The following MEF2C variants were observed in gnomAD, a reference collection of about 807,000 sequenced individuals.
MEF2C encodes myocyte enhancer factor 2C.
A neutral mutation model predicts 50.5 loss-of-function variants in MEF2C; 6 were observed. The ratio of observed to expected loss-of-function variants is 0.12; its 90% CI spans 0.07 to 0.23. MEF2C has a LOEUF of 0.23. MEF2C is among the 10% of genes least tolerant of loss of function. The pLI, the probability that MEF2C is intolerant of heterozygous loss-of-function variation, is 1.00. For synonymous variants in MEF2C, 183 were observed against 228.0 expected (o/e 0.80, Z 1.78); for missense variants, 276 against 605.0 (o/e 0.46, Z 5.70).
At chr5:88,763,649 T>G (rs1778780337) in intron 3 of MEF2C, among the ~76,000 whole-genome samples, 1 of 151,684 alleles carries the variant, frequency 6.6e-6, no homozygotes, top group Non-Finnish European at 1.5e-5. Context: ...AAAAATATTC[T>G]TTCTTTCTTT....
chr5:88,841,661 G>A (rs903775694), intron 1 of MEF2C, among the ~76,000 whole-genome samples: 1 of 152,110 alleles, frequency 6.6e-6, no homozygotes, highest in South Asian at 2.1e-4. Flanking sequence ...TACATTTCAT[G>A]TATGTGGCTA....
At chr5:88,886,195 T>G (rs886482083), upstream of MEF2C, among the ~76,000 whole-genome samples, 10 of 152,184 alleles carry the variant, frequency 6.6e-5, no homozygotes, top group African/African-American at 2.2e-4. Flanking sequence ...AGAAGAGATA[T>G]GAAGAAATAT....
In MEF2C at chr5:88,790,283, A is replaced by G. The variant is rs117822753; in HGVS notation, c.258+14315T>C. Among the ~76,000 whole-genome samples the G allele has an allele frequency of 4.5e-4, 68 of 152,360 alleles. 1 individual carries two copies. In the East Asian group the frequency reaches 0.013, roughly 28 times the overall value. On this transcript the variant is annotated intron_variant, in intron 3 of 10. Coordinates refer to ENST00000504921, the MANE Select transcript of MEF2C (RefSeq NM_002397.5). ...TAAAATTACAAAGAGGAAATAGTCT[A>G]CAGACACACTTTCAAATTCCATGAA...
At chr5:88,784,392 G>C (rs1001747204) in intron 3 of MEF2C, among the ~76,000 whole-genome samples, 1 of 152,150 alleles carries the variant, frequency 6.6e-6, no homozygotes, top group Non-Finnish European at 1.5e-5. Flanking sequence ...GTTTAACAAT[G>C]CTTGAGCCAA....
intron 2 of MEF2C, among the ~76,000 whole-genome samples, chr5:88,809,089 T>G (rs1374049596): frequency 6.6e-6 from 1 of 152,150 alleles, no homozygotes; most frequent in East Asian, 1.9e-4. Context: ...TTTATGTTTT[T>G]CCTTTATATT....
upstream of MEF2C, chr5:88,883,813 C>G (rs1833676234): frequency 6.6e-6 from 1 of 152,110 alleles, no homozygotes; most frequent in Non-Finnish European, 1.5e-5. Context: ...TACAGCAGCT[C>G]CCTCCTCACC....
At chr5:88,824,114 T>A in intron 1 of MEF2C, 184 bp from the exon 2 acceptor site, 2 of 900,350 alleles carry the variant, frequency 2.2e-6, no homozygotes. Flanking sequence ...TAGTTTTATT[T>A]TTTAACAATT....
chr5:88,775,810 T>C (rs1244030007), intron 3 of MEF2C: 5 of 984,064 alleles, frequency 5.1e-6, no homozygotes, highest in South Asian at 9.4e-5. Flanking sequence ...CACTGAGAAC[T>C]GAAAAATGGA....
intron 2 of MEF2C, among the ~76,000 whole-genome samples, chr5:88,820,291 A>T (rs1807650731): frequency 6.6e-6 from 1 of 151,982 alleles, no homozygotes; most frequent in Admixed American, 6.6e-5. Flanking sequence ...GTCAATTTTT[A>T]TTCTCACCTA....
At chr5:88,737,092 G>A (rs548256736) in intron 6 of MEF2C, 1 of 984,602 alleles carries the variant, frequency 1.0e-6, no homozygotes, top group Non-Finnish European at 1.2e-6. Context: ...GAAAAATTAA[G>A]AATTATTCAG....
chr5:88,769,835 G>T, intron 3 of MEF2C: 1 of 361,678 alleles, frequency 2.8e-6, no homozygotes, highest in Non-Finnish European at 3.8e-6. Flanking sequence ...TGGTAGAGAT[G>T]GGGTCTCACA....
chr5:88,787,409 A>G (rs1223108435), intron 3 of MEF2C, among the ~76,000 whole-genome samples: 1 of 151,642 alleles, frequency 6.6e-6, no homozygotes, highest in African/African-American at 2.4e-5. Context: ...AATCCTCATG[A>G]CAGCCCCGTA....
At chr5:88,753,171 G>A (rs1368438311) in intron 4 of MEF2C, among the ~76,000 whole-genome samples, 1 of 152,164 alleles carries the variant, frequency 6.6e-6, no homozygotes, top group East Asian at 1.9e-4. Context: ...TGGCTGGCCT[G>A]CATCATACAT....
At chr5:88,782,276 G>A (rs1299055688) in intron 3 of MEF2C, 1 of 487,010 alleles carries the variant, frequency 2.1e-6, no homozygotes, top group African/African-American at 2.1e-5. Flanking sequence ...GAACAGCCTG[G>A]GCAACATGGC....
intron 3 of MEF2C, among the ~76,000 whole-genome samples, chr5:88,797,832 C>A (rs1276933456): frequency 6.6e-6 from 1 of 152,146 alleles, no homozygotes; most frequent in African/African-American, 2.4e-5. Context: ...CCTTGTAAGG[C>A]AGGCCTAGTG....
intron 1 of MEF2C, among the ~76,000 whole-genome samples, chr5:88,881,475 AATGT>A (rs1832804691): frequency 6.6e-6 from 1 of 152,200 alleles, no homozygotes; most frequent in African/African-American, 2.4e-5. Flanking sequence ...GTACATGCTG[AATGT>A]TTTTAAAGAC....
intron 4 of MEF2C, among the ~76,000 whole-genome samples, chr5:88,754,390 C>T (rs943483018): frequency 1.3e-5 from 2 of 152,178 alleles, no homozygotes; most frequent in African/African-American, 4.8e-5. Flanking sequence ...TAATGTACTT[C>T]ATTATTCTCT....
At chr5:88,869,559 C>T (rs181805950) in intron 1 of MEF2C, among the ~76,000 whole-genome samples, 22 of 151,474 alleles carry the variant, frequency 1.5e-4, no homozygotes, top group Non-Finnish European at 1.9e-4. Flanking sequence ...TGTCCATTAT[C>T]TATCTGCATA....
At chr5:88,733,821 T>C (rs906440438) in intron 6 of MEF2C, 1 of 985,204 alleles carries the variant, frequency 1.0e-6, no homozygotes, top group African/African-American at 1.7e-5. Context: ...CCCCAAAACG[T>C]GTGTTAAGTG....
Sources: allele counts gnomAD v4.1 joint callset (sites outside exome capture counted in the v4.1 genomes callset), GRCh38; gene constraint gnomAD v4.1.1; transcripts MANE v1.5; gene names NCBI Gene and HGNC (gene_info 2026-07-23, HGNC 2026-07-21).